Variants in DECR1 observed in about 807,000 individuals in gnomAD.
DECR1 encodes the protein 2,4-dienoyl-CoA reductase [(3E)-enoyl-CoA-producing], mitochondrial.
In DECR1, 44 loss-of-function variants were observed where a neutral mutation model predicts 38.8. That is an observed-to-expected ratio of 1.13 (90% CI 0.89 to 1.46). The LOEUF is 1.46. Ranked by LOEUF, DECR1 falls within the 40% of genes most tolerant of loss-of-function variation. The pLI is 0.00. For missense variants in DECR1, 428 were observed against 405.5 expected (o/e 1.06, Z -0.48); for synonymous variants, 148 against 135.2 (o/e 1.09, Z -0.66).
At chr8:90,026,076 C>A (rs1163573643) in intron 5 of DECR1, among the ~76,000 whole-genome samples, 8 of 152,200 alleles carry the variant, frequency 5.3e-5, no homozygotes. Flanking sequence ...ATGAAGCCCA[C>A]TTGATCATGG....
At chr8:90,046,138 A>G (rs1813894627) in intron 8 of DECR1, among the ~76,000 whole-genome samples, 2 of 152,260 alleles carry the variant, frequency 1.3e-5, no homozygotes, top group African/African-American at 4.8e-5. Context: ...TTCTCTTCCA[A>G]AGGAATGCAG....
rs201405525 is a variant in DECR1 at position 90,044,993 on chromosome 8, G to C, written c.883G>C (p.Ala295Pro). ...TGATTATGCTTCTTGGATTAATGGA[G>C]CAGTAAGCGTTGTTTATTTCTCTTC... is the stretch of plus-strand genomic sequence containing the variant. ...CSDYASWING[A>P]VIKFDGGEEV... The change falls in exon 8 of 10, where the codon GCA becomes CCA. Residue 295 changes from alanine to proline, a missense_variant and splice_region_variant. Coordinates refer to ENST00000220764, the MANE Select transcript of DECR1 (RefSeq NM_001359.2). 2.5e-6 allele frequency: 4 copies of C among 1,613,514 alleles called. No individual in the cohort carries two copies. The highest frequency in any genetic ancestry group is 3.4e-6 in the Non-Finnish European group (4 of 1,179,804).
At chr8:90,044,047 AAAT>A (rs1813827240) in intron 7 of DECR1, among the ~76,000 whole-genome samples, 8 of 152,208 alleles carry the variant, frequency 5.3e-5, no homozygotes, top group African/African-American at 1.9e-4. Context: ...AGTTGTACCC[AAAT>A]AATAACTACT....
intron 8 of DECR1, among the ~76,000 whole-genome samples, chr8:90,050,382 T>A (rs1240227950): frequency 6.6e-6 from 1 of 152,166 alleles, no homozygotes; most frequent in Non-Finnish European, 1.5e-5. Flanking sequence ...CAGACACCTC[T>A]CAAAAGAAGA....
intron 1 of DECR1, among the ~76,000 whole-genome samples, chr8:90,016,429 G>T (rs1813007626): frequency 6.6e-6 from 1 of 152,118 alleles, no homozygotes; most frequent in African/African-American, 2.4e-5. Context: ...GAGGTCAGGA[G>T]ATCGAGACCA....
At chr8:90,022,746 C>T (rs913510396) in intron 5 of DECR1, among the ~76,000 whole-genome samples, 4 of 152,000 alleles carry the variant, frequency 2.6e-5, no homozygotes, top group South Asian at 4.1e-4. Flanking sequence ...CTGTCTCTTT[C>T]GTTTCTTTGT....
At chr8:90,028,957 C>T (rs3026281) in intron 5 of DECR1, among the ~76,000 whole-genome samples, 2,353 of 152,080 alleles carry the variant, frequency 0.015, 54 homozygotes, top group African/African-American at 0.052. Flanking sequence ...GAATTTTTAA[C>T]GCTCACATTT....
chr8:90,028,647 T>G (rs983379801), intron 5 of DECR1, among the ~76,000 whole-genome samples: 1 of 152,130 alleles, frequency 6.6e-6, no homozygotes, highest in African/African-American at 2.4e-5. Flanking sequence ...AGACATTACC[T>G]AATTTTAACC....
intron 2 of DECR1, 131 bp downstream of exon 2, chr8:90,017,457 T>A (rs1292335424): frequency 1.9e-6 from 1 of 536,908 alleles, no homozygotes. Context: ...AGAAATATTA[T>A]TTAGATTATT....
At chr8:90,019,874 A>G (rs182095084) in intron 4 of DECR1, among the ~76,000 whole-genome samples, 1 of 152,360 alleles carries the variant, frequency 6.6e-6, no homozygotes, top group Admixed American at 6.5e-5. Flanking sequence ...TCCATTTATG[A>G]TTGATCAGAA....
Position 90,042,710 on chromosome 8 carries a change from G to A in DECR1, c.666-18G>A, listed in dbSNP as rs376766674. The A allele has an allele frequency of 3.8e-5, 61 of 1,605,034 alleles. No homozygotes were observed. The highest frequency in any genetic ancestry group is 4.8e-5 in the Non-Finnish European group (56 of 1,172,396). On this transcript the variant is annotated intron_variant, in intron 6 of 9. Transcript: ENST00000220764. ...GGTATAATATTTCAGAATGTATGTT[G>A]TTGATTTTAATTTTTAGGTCTCTTG...
chr8:90,008,215 A>T (rs912642814), intron 1 of DECR1, among the ~76,000 whole-genome samples: 1 of 152,214 alleles, frequency 6.6e-6, no homozygotes, highest in Admixed American at 6.5e-5. Flanking sequence ...CAGTCATTTC[A>T]GTCAGAGCAT....
At chr8:90,048,573 C>A (rs975405598) in intron 8 of DECR1, among the ~76,000 whole-genome samples, 3 of 152,104 alleles carry the variant, frequency 2.0e-5, no homozygotes, top group African/African-American at 4.8e-5. Flanking sequence ...AAGTCCAGGA[C>A]CAGACAGATT....
At position 90,001,509 on chromosome 8, in the gene DECR1, G is replaced by A; in HGVS notation, c.17G>A (p.Arg6Lys). MKLPA[R>K]VFFTLGSRLP... ...AGACTCAACATGAAGCTACCGGCCA[G>A]GGTTTTCTTTACTCTGGGGTCCCGG... Residue 6 changes from arginine (R) to lysine (K), a missense_variant, in exon 1 of 10, where the codon AGG (arginine) becomes AAG (lysine). Arg to Lys is a conservative substitution (Grantham distance 26). Coordinates refer to ENST00000220764, the MANE Select transcript of DECR1 (RefSeq NM_001359.2). 6.2e-7 allele frequency: 1 copy of A among 1,614,058 alleles called. No homozygotes were observed. Among genetic ancestry groups the A allele is most frequent in the Admixed American group, 1.7e-5 (1 of 60,036 alleles).
chr8:90,043,995 T>G (rs2130157174), intron 7 of DECR1, among the ~76,000 whole-genome samples: 1 of 152,352 alleles, frequency 6.6e-6, no homozygotes, highest in Admixed American at 6.5e-5. Context: ...TCTGAGAAAG[T>G]GCTTGCCACT....
intron 5 of DECR1, among the ~76,000 whole-genome samples, chr8:90,022,301 T>C (rs1322835097): frequency 6.6e-6 from 1 of 152,124 alleles, no homozygotes; most frequent in Non-Finnish European, 1.5e-5. Flanking sequence ...TAGAACCAGC[T>C]TGAGATACGC....
intron 7 of DECR1, among the ~76,000 whole-genome samples, chr8:90,044,273 G>A (rs1231451822): frequency 2.0e-5 from 3 of 152,136 alleles, no homozygotes; most frequent in African/African-American, 7.2e-5. Context: ...CAAGGCACTA[G>A]TACAGAAAAA....
In DECR1 at chr8:90,021,060, T is replaced by G. The variant is rs766798793; in HGVS notation, c.565+4T>G. Reference sequence around the variant, plus strand: ...CAACTAATTAAAGCACAGAAAGGTATGTTTATTTGCTTTTCTCATATTTAT... The same window carrying G: ...CAACTAATTAAAGCACAGAAAGGTAGGTTTATTTGCTTTTCTCATATTTAT... On this transcript the variant is annotated splice_donor_region_variant and intron_variant, in intron 5 of 9. Transcript: ENST00000220764. 4 of 1,567,274 alleles carry G rather than the reference T, an allele frequency of 2.6e-6. No individual in the cohort carries two copies. The African/African-American group carries it at 5.5e-5, about 22-fold the overall frequency.
At chr8:90,037,698 C>T (rs1381250094) in intron 6 of DECR1, among the ~76,000 whole-genome samples, 1 of 152,120 alleles carries the variant, frequency 6.6e-6, no homozygotes, top group Non-Finnish European at 1.5e-5. Flanking sequence ...ATCCTCCTGC[C>T]TCAGCCTCCC....
Sources: allele counts gnomAD v4.1 joint callset (sites outside exome capture counted in the v4.1 genomes callset), GRCh38; gene constraint gnomAD v4.1.1; transcripts MANE v1.5; gene names NCBI Gene and HGNC (gene_info 2026-07-23, HGNC 2026-07-21).